RNF220: variants seen among roughly 807,000 people sequenced by gnomAD.
RNF220 encodes E3 ubiquitin-protein ligase RNF220.
In RNF220, 7 loss-of-function variants were observed where a neutral mutation model predicts 67.1. The observed-to-expected ratio is 0.10, with a 90% CI of 0.06 to 0.20. The LOEUF (loss-of-function observed/expected upper bound fraction) is 0.20. Among genes scored for constraint, RNF220 ranks in the 10% least tolerant of loss-of-function variants. The pLI is 1.00. For missense variants in RNF220, 565 were observed against 740.3 expected, an observed-to-expected ratio of 0.76 and a Z score of 2.75; for synonymous variants, 270 against 283.2, an observed-to-expected ratio of 0.95 and a Z score of 0.47.
At chr1:44,634,364 T>C (rs2148480087) in intron 6 of RNF220, among the ~76,000 whole-genome samples, 1 of 152,374 alleles carries the variant, frequency 6.6e-6, no homozygotes, top group South Asian at 2.1e-4. Context: ...GCAATCTAGC[T>C]TCAGCAAGTG....
At chr1:44,543,459 C>T (rs1661845735) in intron 2 of RNF220, among the ~76,000 whole-genome samples, 1 of 152,000 alleles carries the variant, frequency 6.6e-6, no homozygotes, top group Non-Finnish European at 1.5e-5. Context: ...GGCTTACCGA[C>T]GGGAGGTTAA....
At chr1:44,632,309 T>A (rs1052211605) in intron 5 of RNF220, 34 bp from the exon 6 acceptor site, 1 of 1,613,974 alleles carries the variant, frequency 6.2e-7, no homozygotes, top group Non-Finnish European at 8.5e-7. Flanking sequence ...CGCTCTCTTT[T>A]CTTTTCTTGC....
intron 2 of RNF220, among the ~76,000 whole-genome samples, chr1:44,541,953 C>T (rs982158114): frequency 5.3e-5 from 8 of 152,280 alleles, no homozygotes; most frequent in African/African-American, 1.9e-4. Context: ...TGGAGCAAGA[C>T]CTTTGCATCT....
intron 2 of RNF220, among the ~76,000 whole-genome samples, chr1:44,451,619 G>GATTTT (rs1306486119): frequency 6.6e-6 from 1 of 151,638 alleles, no homozygotes; most frequent in African/African-American, 2.4e-5. Context: ...TTTTATTTTT[G>GATTTT]ATTTTATTTT....
At position 44,632,275 on chromosome 1, in the gene RNF220, G is replaced by C; in HGVS notation, c.907-68G>C. On this transcript the variant is annotated intron_variant, in intron 5 of 14. Transcript: ENST00000361799. ...TCGGGGGTCCGGTGCTGGGGCGGGG[G>C]CCAGGACTGCAGGCCGCGCCTGACG... 3 of 1,613,810 alleles carry C rather than the reference G, an allele frequency of 1.9e-6. No homozygotes were observed. In the South Asian group the frequency reaches 3.3e-5, roughly 18 times the overall value.
At chr1:44,647,384 T>C (rs772935850) in intron 12 of RNF220, among the ~76,000 whole-genome samples, 5 of 152,292 alleles carry the variant, frequency 3.3e-5, no homozygotes, top group Admixed American at 3.3e-4. Context: ...ATGGCACATA[T>C]GGCATTGTGC....
chr1:44,544,133 C>T (rs908577990), intron 2 of RNF220, among the ~76,000 whole-genome samples: 1 of 152,194 alleles, frequency 6.6e-6, no homozygotes, highest in Non-Finnish European at 1.5e-5. Context: ...CAGGAGACAA[C>T]CACTCCCAAA....
Position 44,649,663 on chromosome 1 carries a change from T to C in RNF220, c.1448T>C (p.Ile483Thr), listed in dbSNP as rs776081244. 6.2e-7 allele frequency: 1 copy of C among 1,613,848 alleles called. No homozygotes were observed. The highest frequency in any genetic ancestry group is 8.5e-7 in the Non-Finnish European group (1 of 1,179,874). Residue 483 changes from isoleucine (I) to threonine (T), a missense_variant and splice_region_variant, in exon 13 of 15, where the codon ATC (isoleucine) becomes ACC (threonine). Transcript: ENST00000361799. The surrounding 1 kb of genome is among the most constrained non-coding windows in gnomAD (Gnocchi z 5.9). ...KTCKNSDIEK[I>T]TEDSAVTTFE... ...CAACCATGCCTTCCTTTTTACAGAA[T>C]CACCGAAGATTCAGCTGTGACCACG... is the stretch of plus-strand genomic sequence containing the variant.
intron 2 of RNF220, among the ~76,000 whole-genome samples, chr1:44,462,848 G>A (rs1268178345): frequency 4.0e-5 from 6 of 151,606 alleles, no homozygotes; most frequent in African/African-American, 9.7e-5. Context: ...CTAACATGGT[G>A]AGACCCTGTC....
chr1:44,595,051 C>T (rs1414442968), intron 2 of RNF220, among the ~76,000 whole-genome samples: 1 of 152,220 alleles, frequency 6.6e-6, no homozygotes, highest in African/African-American at 2.4e-5. Context: ...AGAGCATCCA[C>T]AGACCCGCAG....
At chr1:44,487,062 C>T (rs1363096400) in intron 2 of RNF220, among the ~76,000 whole-genome samples, 6 of 152,248 alleles carry the variant, frequency 3.9e-5, no homozygotes, top group Middle Eastern at 3.4e-3. Context: ...CATCCAGGTG[C>T]GGTGGCTCAC....
chr1:44,501,075 G>A (rs1657815688), intron 2 of RNF220, among the ~76,000 whole-genome samples: 2 of 151,066 alleles, frequency 1.3e-5, no homozygotes, highest in Non-Finnish European at 1.5e-5. Context: ...TGGGGGTATC[G>A]GGAGACAATA....
chr1:44,425,395 CTTG>C (rs137854935), intron 2 of RNF220, among the ~76,000 whole-genome samples: 13,254 of 152,136 alleles, frequency 0.087, 906 homozygotes, highest in East Asian at 0.35. Flanking sequence ...TTGGTAAATA[CTTG>C]TTGTTAAAGT....
chr1:44,424,683 TC>T (rs1649568454), intron 2 of RNF220, among the ~76,000 whole-genome samples: 1 of 152,214 alleles, frequency 6.6e-6, no homozygotes, highest in African/African-American at 2.4e-5. Context: ...TGTCCACCTG[TC>T]CCGGCTCCCC....
chr1:44,579,011 A>G (rs933360714), intron 2 of RNF220, among the ~76,000 whole-genome samples: 2 of 151,914 alleles, frequency 1.3e-5, no homozygotes, highest in African/African-American at 4.8e-5. Flanking sequence ...TAAAAATACA[A>G]AAAAATTACA....
intron 2 of RNF220, among the ~76,000 whole-genome samples, chr1:44,481,108 C>G (rs1178856644): frequency 6.6e-6 from 1 of 151,962 alleles, no homozygotes; most frequent in Non-Finnish European, 1.5e-5. Context: ...TAGACAACAC[C>G]TTGGAGGTGT....
At chr1:44,524,517 A>G (rs953384230) in intron 2 of RNF220, among the ~76,000 whole-genome samples, 4 of 152,034 alleles carry the variant, frequency 2.6e-5, no homozygotes, top group African/African-American at 7.2e-5. Flanking sequence ...TCGTGTTGGA[A>G]CTGCTTTGTA....
intron 2 of RNF220, among the ~76,000 whole-genome samples, chr1:44,443,933 A>C (rs1651815578): frequency 6.6e-6 from 1 of 152,218 alleles, no homozygotes; most frequent in African/African-American, 2.4e-5. Context: ...TCTACTAAAA[A>C]TACAAAAATT....
chr1:44,548,763 A>G (rs534984627), intron 2 of RNF220, among the ~76,000 whole-genome samples: 1 of 152,292 alleles, frequency 6.6e-6, no homozygotes, highest in South Asian at 2.1e-4. Flanking sequence ...AAGTGCTAGG[A>G]TTACAGGCGT....
Sources: gnomAD v4.1 joint callset for allele counts (sites outside exome capture counted in the v4.1 genomes callset) on GRCh38, gnomAD v4.1.1 for gene constraint, Gnocchi (gnomAD v3.1) non-coding constraint, MANE v1.5 for transcripts, NCBI Gene and HGNC (gene_info 2026-07-23, HGNC 2026-07-21) for gene names.